Variants in SGCD observed in about 807,000 individuals in gnomAD.
SGCD encodes sarcoglycan delta, also known as delta-sarcoglycan.
In SGCD, 18 loss-of-function variants were observed where a neutral mutation model predicts 36.6. The ratio of observed to expected loss-of-function variants is 0.49; its 90% CI spans 0.34 to 0.73. SGCD has a LOEUF of 0.73. Ranked by LOEUF, SGCD falls within the 30% of genes least tolerant of loss-of-function variation. The pLI is 0.01. For synonymous variants in SGCD, 133 were observed against 130.6 expected (o/e 1.02, Z -0.12); for missense variants, 387 against 346.7 (o/e 1.12, Z -0.92).
chr5:156,184,681 C>A (rs1311953064), intron 3 of SGCD, among the ~76,000 whole-genome samples: 1 of 152,092 alleles, frequency 6.6e-6, no homozygotes, highest in Non-Finnish European at 1.5e-5. Context: ...CCAAAGGTCA[C>A]CCTACCACCA....
intron 3 of SGCD, among the ~76,000 whole-genome samples, chr5:156,374,923 C>T (rs967110893): frequency 7.2e-5 from 11 of 151,982 alleles, no homozygotes; most frequent in Admixed American, 4.6e-4. Flanking sequence ...GTGACATGTT[C>T]GAAATGAAAC....
chr5:155,738,265 T>C, the SGCD span, among the ~76,000 whole-genome samples: 2 of 152,192 alleles, frequency 1.3e-5, no homozygotes. Flanking sequence ...CTTGTGCATG[T>C]TAAAAAGCCT....
chr5:156,714,730 T>G (rs984563466), intron 7 of SGCD, among the ~76,000 whole-genome samples: 2 of 152,248 alleles, frequency 1.3e-5, no homozygotes, highest in African/African-American at 4.8e-5. Flanking sequence ...TGAAATTTAG[T>G]TCAAGGGATT....
intron 6 of SGCD, among the ~76,000 whole-genome samples, chr5:156,619,763 T>C (rs539166069): frequency 6.6e-6 from 1 of 152,234 alleles, no homozygotes; most frequent in South Asian, 2.1e-4. Flanking sequence ...ATTAACTTTG[T>C]TCTCCTTTAT....
intron 3 of SGCD, among the ~76,000 whole-genome samples, chr5:156,425,594 A>G (rs1239105823): frequency 4.0e-5 from 6 of 151,420 alleles, no homozygotes; most frequent in Admixed American, 6.6e-5. Context: ...TTGGGGGTAC[A>G]TGTTGTTTTT....
chr5:155,738,026 T>C, the SGCD span, among the ~76,000 whole-genome samples: 2 of 152,142 alleles, frequency 1.3e-5, no homozygotes, highest in Non-Finnish European at 2.9e-5. Context: ...GAAGCATTGA[T>C]GCCAACTTGA....
rs151058270 is a variant in SGCD at position 156,593,371 on chromosome 5, A to G, written c.383-1561A>G. Among the ~76,000 whole-genome samples the G allele has an allele frequency of 4.6e-3, 693 of 152,272 alleles. 1 individual carries two copies. The highest frequency in any genetic ancestry group is 0.015 in the African/African-American group (638 of 41,556). Reference sequence around the variant, plus strand: ...CACCAGACAAGGCTGTTCAGTGGCCATGATGGATCAAGACAAAACAACACA... The same window carrying G: ...CACCAGACAAGGCTGTTCAGTGGCCGTGATGGATCAAGACAAAACAACACA... On this transcript the variant is annotated intron_variant, in intron 5 of 8. Coordinates refer to ENST00000337851, the MANE Select transcript of SGCD (RefSeq NM_000337.6).
chr5:155,936,345 T>C (rs1757200997), intron 1 of SGCD, among the ~76,000 whole-genome samples: 1 of 152,108 alleles, frequency 6.6e-6, no homozygotes, highest in African/African-American at 2.4e-5. Flanking sequence ...ATAGAACAGC[T>C]CAGGGGCGAC....
At chr5:156,335,102 A>G (rs1374882701) in intron 2 of SGCD, among the ~76,000 whole-genome samples, 7 of 152,174 alleles carry the variant, frequency 4.6e-5, no homozygotes, top group Admixed American at 2.0e-4. Flanking sequence ...ATAGTGTTGC[A>G]GGAATGTATG....
chr5:155,892,483 A>G (rs1367702146), intron 1 of SGCD, among the ~76,000 whole-genome samples: 6 of 140,420 alleles, frequency 4.3e-5, no homozygotes, highest in Admixed American at 3.5e-4. Flanking sequence ...AAAAAAAAAA[A>G]AGGACCAATT....
At chr5:156,276,940 C>A (rs1440702761) in intron 3 of SGCD, among the ~76,000 whole-genome samples, 2 of 151,982 alleles carry the variant, frequency 1.3e-5, no homozygotes, top group Non-Finnish European at 2.9e-5. Flanking sequence ...GATGAGCATC[C>A]TTGTGGCTGC....
intron 1 of SGCD, among the ~76,000 whole-genome samples, chr5:155,936,554 G>C (rs959363810): frequency 2.0e-5 from 3 of 152,130 alleles, no homozygotes; most frequent in Non-Finnish European, 2.9e-5. Flanking sequence ...AGTCTGGCTA[G>C]GTCTGGAATT....
At chr5:156,421,626 C>G (rs936259551) in intron 3 of SGCD, among the ~76,000 whole-genome samples, 2 of 151,882 alleles carry the variant, frequency 1.3e-5, no homozygotes, top group East Asian at 3.9e-4. Flanking sequence ...TGGGTGACCC[C>G]GTGAGCAGAT....
At chr5:156,715,303 G>A (rs899829099) in intron 7 of SGCD, among the ~76,000 whole-genome samples, 2 of 152,218 alleles carry the variant, frequency 1.3e-5, no homozygotes, top group Admixed American at 1.3e-4. Context: ...TAGCCTTTAA[G>A]ACTGGTGGAA....
chr5:155,900,061 C>A (rs1476624502), intron 1 of SGCD, among the ~76,000 whole-genome samples: 1 of 152,162 alleles, frequency 6.6e-6, no homozygotes. Context: ...TTTCTGACTA[C>A]CTATACATAA....
At chr5:156,536,031 T>C (rs933027661) in intron 4 of SGCD, among the ~76,000 whole-genome samples, 1 of 152,312 alleles carries the variant, frequency 6.6e-6, no homozygotes, top group Admixed American at 6.5e-5. Flanking sequence ...TCATTGGTTC[T>C]TTCTGTTAAA....
chr5:156,231,332 C>T (rs1027558348), intron 3 of SGCD, among the ~76,000 whole-genome samples: 5 of 151,996 alleles, frequency 3.3e-5, no homozygotes, highest in African/African-American at 9.7e-5. Flanking sequence ...GCCAGAAGTT[C>T]GCAAGAAGCC....
chr5:155,981,545 G>A (rs1758229262), intron 1 of SGCD, among the ~76,000 whole-genome samples: 1 of 152,078 alleles, frequency 6.6e-6, no homozygotes, highest in African/African-American at 2.4e-5. Context: ...GGAAACGTTG[G>A]GTGGCCCCAA....
At chr5:155,886,533 T>C (rs926285460) in intron 1 of SGCD, among the ~76,000 whole-genome samples, 19 of 138,054 alleles carry the variant, frequency 1.4e-4, no homozygotes, top group African/African-American at 3.6e-4. Flanking sequence ...CGTGGGCGCG[T>C]GTGTGTGTGT....
Sources: allele counts gnomAD v4.1 joint callset (sites outside exome capture counted in the v4.1 genomes callset), GRCh38; gene constraint gnomAD v4.1.1; transcripts MANE v1.5; gene names NCBI Gene and HGNC (gene_info 2026-07-23, HGNC 2026-07-21).